Variants in ABCC9 observed in about 807,000 individuals in gnomAD.
ABCC9 encodes ATP-binding cassette sub-family C member 9.
In ABCC9, 95 loss-of-function variants were observed where a neutral mutation model predicts 188.3. The ratio of observed to expected loss-of-function variants is 0.50; its 90% CI spans 0.43 to 0.60. The LOEUF is 0.60. Ranked by LOEUF, ABCC9 falls within the 20% of genes least tolerant of loss-of-function variation. The pLI, the probability that ABCC9 is intolerant of heterozygous loss-of-function variation, is 0.00. For synonymous variants in ABCC9, 659 were observed against 652.7 expected (o/e 1.01, Z -0.15); for missense variants, 1,102 against 1,876.3 (o/e 0.59, Z 7.62).
intron 15 of ABCC9, among the ~76,000 whole-genome samples, chr12:21,887,054 G>T (rs564330584): frequency 6.6e-6 from 1 of 152,014 alleles, no homozygotes; most frequent in African/African-American, 2.4e-5. Flanking sequence ...TCAAGAAAGC[G>T]AATTCTGTGA....
rs1236316550 is a variant in ABCC9 at position 21,845,753 on chromosome 12, G to T, written c.2946C>A (p.Cys982Ter). 3 of 1,613,798 alleles carry T rather than the reference G, an allele frequency of 1.9e-6. No individual in the cohort carries two copies. The highest frequency in any genetic ancestry group is 2.5e-6 in the Non-Finnish European group (3 of 1,179,862). Residue 982 changes from cysteine (C) to a stop codon, truncating the protein, a stop_gained, in exon 26 of 40, where the codon TGC becomes TGA. Coordinates refer to ENST00000261200, the MANE Select transcript of ABCC9 (RefSeq NM_020297.4). LOFTEE classifies it high-confidence loss of function. ...RLRTKMPWKTCWRYLTSGGFF... is the reference protein window; with the variant it reads ...RLRTKMPWKT ...ATCCTCCAGATGTCAGGTAGCGCCA[G>T]CAGGTTTTCCATGGCATTTTAGTCC...
intron 30 of ABCC9, among the ~76,000 whole-genome samples, chr12:21,830,357 C>A (rs1366951921): frequency 1.3e-5 from 2 of 152,022 alleles, no homozygotes; most frequent in African/African-American, 4.8e-5. Flanking sequence ...AGGGAAAATA[C>A]CAAATCAAAA....
chr12:21,912,271 G>T (rs1480179808), intron 8 of ABCC9, among the ~76,000 whole-genome samples: 1 of 151,902 alleles, frequency 6.6e-6, no homozygotes, highest in Non-Finnish European at 1.5e-5. Flanking sequence ...AAGAAAGTAG[G>T]AAGTTCACAA....
intron 12 of ABCC9, among the ~76,000 whole-genome samples, chr12:21,899,497 CAAAGCAGGGCGAGGCATCG>C (rs2137780555): frequency 6.6e-6 from 1 of 152,216 alleles, no homozygotes; most frequent in Non-Finnish European, 1.5e-5. Context: ...GAGCATGAGC[CAAAGCAGGGCGAGGCATCG>C]CCTCACCCAG....
At chr12:21,867,144 CAAATT>C (rs1945822506) in intron 18 of ABCC9, among the ~76,000 whole-genome samples, 1 of 152,020 alleles carries the variant, frequency 6.6e-6, no homozygotes, top group South Asian at 2.1e-4. Flanking sequence ...CTTCCAAAAA[CAAATT>C]AACCCATTAT....
chr12:21,817,644 G>A (rs960417445), intron 32 of ABCC9, among the ~76,000 whole-genome samples: 3 of 152,086 alleles, frequency 2.0e-5, no homozygotes, highest in African/African-American at 7.2e-5. Context: ...GTACAACTCA[G>A]GACACGGATC....
intron 29 of ABCC9, among the ~76,000 whole-genome samples, chr12:21,842,014 C>T (rs982973013): frequency 3.3e-5 from 5 of 152,162 alleles, no homozygotes; most frequent in Non-Finnish European, 7.3e-5. Flanking sequence ...TGCAGATGCT[C>T]AAGTCCGTTA....
In ABCC9 at chr12:21,799,589, A is replaced by T. The variant is rs1347905001; in HGVS notation, c.*1455T>A. 2 of 152,218 alleles carry T rather than the reference A, an allele frequency of 1.3e-5. No homozygotes were observed. Among genetic ancestry groups the T allele is most frequent in the Non-Finnish European group, 2.9e-5 (2 of 68,024 alleles). The allele number at this position is 152,218 out of a possible 1,614,324, so 9.4% of individuals were successfully genotyped here. A position where few individuals can be genotyped will look rare whatever the true frequency, so the allele number is the denominator to read the frequency against. The stretch of plus-strand genomic sequence containing the variant: ...AACTTATTTTTTTGTAAATATAAAG[A>T]TTAAATATTCAGGTGAAGACACATA... On this transcript the variant is annotated 3_prime_UTR_variant, in exon 40 of 40. Coordinates refer to ENST00000261200, the MANE Select transcript of ABCC9 (RefSeq NM_020297.4).
chr12:21,802,384 T>C (rs374223799), intron 39 of ABCC9, among the ~76,000 whole-genome samples: 1 of 150,568 alleles, frequency 6.6e-6, no homozygotes, highest in East Asian at 1.9e-4. Flanking sequence ...TATTGTTCAA[T>C]AGAAGTATAA....
intron 12 of ABCC9, among the ~76,000 whole-genome samples, chr12:21,904,594 C>T (rs1486556167): frequency 1.3e-5 from 2 of 152,084 alleles, no homozygotes; most frequent in Admixed American, 1.3e-4. Flanking sequence ...AAAAAACAAA[C>T]AACCCCATCA....
intron 37 of ABCC9, 133 bp downstream of exon 37, chr12:21,809,719 G>T: frequency 1.6e-6 from 1 of 643,830 alleles, no homozygotes. Context: ...ATATTCTAAT[G>T]ACTTTTAGGA....
chr12:21,928,733 T>C (rs1949151385), intron 4 of ABCC9, among the ~76,000 whole-genome samples: 1 of 152,208 alleles, frequency 6.6e-6, no homozygotes, highest in Admixed American at 6.5e-5. Context: ...TTAAGTTTTG[T>C]ACTTATGGTG....
rs16924331 is a variant in ABCC9, at chr12:21,817,546, C to G, written c.3772-239G>C. Reference sequence around the variant, plus strand: ...TATTTTGTGAACTGTCCTGATTTCCCTGCATGATGGATAGTGGTATACTCT... The same window carrying G: ...TATTTTGTGAACTGTCCTGATTTCCGTGCATGATGGATAGTGGTATACTCT... On this transcript the variant is annotated intron_variant, in intron 32 of 39. Transcript: ENST00000261200. Among the ~76,000 whole-genome samples the G allele has an allele frequency of 4.2e-3, 636 of 152,246 alleles. 7 individuals are homozygous for G. Among genetic ancestry groups the G allele is most frequent in the African/African-American group, 0.014 (600 of 41,558 alleles).
intron 17 of ABCC9, 44 bp from the exon 18 acceptor site, chr12:21,872,774 C>T (rs1946145051): frequency 1.4e-6 from 2 of 1,403,604 alleles, no homozygotes; most frequent in Non-Finnish European, 2.0e-6. Flanking sequence ...GAGATGGATT[C>T]TTGGTGAAAT....
chr12:21,807,707 G>A (rs1336629210), intron 37 of ABCC9, among the ~76,000 whole-genome samples: 1 of 152,150 alleles, frequency 6.6e-6, no homozygotes, highest in East Asian at 1.9e-4. Flanking sequence ...CCTCTGATAG[G>A]AGGATATAAA....
chr12:21,865,491 C>A (rs552642090), intron 18 of ABCC9, among the ~76,000 whole-genome samples: 94 of 152,206 alleles, frequency 6.2e-4, no homozygotes, highest in Non-Finnish European at 9.4e-4. Flanking sequence ...ACGCAATATG[C>A]TTTAGATAAC....
chr12:21,884,824 GT>G (rs1946794913), intron 15 of ABCC9, among the ~76,000 whole-genome samples: 1 of 152,074 alleles, frequency 6.6e-6, no homozygotes, highest in Non-Finnish European at 1.5e-5. Context: ...TTTTAGTTTT[GT>G]TTTTCCTTCC....
Position 21,871,765 on chromosome 12 carries a change from T to A in ABCC9, c.2198+860A>T, listed in dbSNP as rs574735010. On this transcript the variant is annotated intron_variant, in intron 18 of 39. Transcript: ENST00000261200. ...CCCTGGCCTCTATCCACCAGGCCAG[T>A]AGCAACCCAATGCTTCAGTGTAAAA... Among the ~76,000 whole-genome samples the A allele has an allele frequency of 1.1e-4, 17 of 152,260 alleles. No homozygotes were observed. In the South Asian group the frequency reaches 3.5e-3, roughly 32 times the overall value.
At chr12:21,802,442 G>A (rs1941506265) in intron 39 of ABCC9, among the ~76,000 whole-genome samples, 1 of 152,084 alleles carries the variant, frequency 6.6e-6, no homozygotes, top group South Asian at 2.1e-4. Flanking sequence ...CATTTTCAAA[G>A]TAGAAATAAA....
Sources: gnomAD v4.1 joint callset for allele counts (sites outside exome capture counted in the v4.1 genomes callset) on GRCh38, gnomAD v4.1.1 for gene constraint, MANE v1.5 for transcripts, NCBI Gene and HGNC (gene_info 2026-07-23, HGNC 2026-07-21) for gene names.